Variants in NDRG4 observed in about 807,000 individuals in gnomAD.
NDRG4 encodes the protein protein NDRG4.
NDRG4 carries 38 observed loss-of-function variants against 55.8 expected under a neutral mutation model. The ratio of observed to expected loss-of-function variants is 0.68; its 90% CI spans 0.53 to 0.89. NDRG4 has a LOEUF of 0.89. Among genes scored for constraint, NDRG4 ranks in the 40% least tolerant of loss-of-function variants. The pLI, the probability that NDRG4 is intolerant of heterozygous loss-of-function variation, is 0.00. For synonymous variants in NDRG4, 190 were observed against 182.7 expected (o/e 1.04, Z -0.32); for missense variants, 455 against 468.6 (o/e 0.97, Z 0.27).
chr16:58,500,686 AG>A, intron 1 of NDRG4: 1 of 433,688 alleles, frequency 2.3e-6, no homozygotes, highest in Non-Finnish European at 4.1e-6. Context: ...CCATCAGGCC[AG>A]GGGGCGGGGG....
intron 1 of NDRG4, chr16:58,500,959 A>AG: frequency 8.1e-7 from 1 of 1,227,448 alleles, no homozygotes; most frequent in Non-Finnish European, 1.0e-6. Flanking sequence ...AGGAACGAGG[A>AG]GGGGTTGCCT....
chr16:58,514,309 CTAATTT>C (rs916618357), downstream of NDRG4, among the ~76,000 whole-genome samples: 2 of 152,152 alleles, frequency 1.3e-5, no homozygotes, highest in Non-Finnish European at 2.9e-5. Context: ...CTAAATAAAA[CTAATTT>C]TAATTATTTA....
At chr16:58,490,820 T>C (rs1238281857) in intron 2 of NDRG4, among the ~76,000 whole-genome samples, 4 of 151,514 alleles carry the variant, frequency 2.6e-5, no homozygotes, top group Admixed American at 1.3e-4. Flanking sequence ...CTACTAAAAT[T>C]ATAAAAATTA....
At chr16:58,507,145 A>G (rs1223874831) in intron 8 of NDRG4, 130 bp downstream of exon 8, 5 of 706,892 alleles carry the variant, frequency 7.1e-6, no homozygotes, top group Non-Finnish European at 9.9e-6. Flanking sequence ...TTGGGCCTCA[A>G]AGGAGGTCAT....
intron 2 of NDRG4, among the ~76,000 whole-genome samples, chr16:58,491,324 G>T (rs1364978747): frequency 2.6e-5 from 4 of 152,088 alleles, no homozygotes; most frequent in African/African-American, 7.2e-5. Flanking sequence ...CCTGGATGCT[G>T]CAGCGTGGCA....
At position 58,506,618 on chromosome 16, in the gene NDRG4, A is replaced by G. The variant is rs146273834; in HGVS notation, c.516+4A>G. The G allele has an allele frequency of 5.4e-3, 8,319 of 1,551,814 alleles. 26 individuals are homozygous for G. The highest frequency in any genetic ancestry group is 6.4e-3 in the Non-Finnish European group (7,387 of 1,150,038). The stretch of plus-strand genomic sequence containing the variant: ...GCTCTCCCACCTCTTCAGCCAGGTA[A>G]GGGGGGGAACTTCTGCAGATCTGGG... On this transcript the variant is annotated splice_donor_region_variant and intron_variant, in intron 7 of 14. Coordinates refer to ENST00000570248, the MANE Select transcript of NDRG4 (RefSeq NM_001242835.2).
At chr16:58,492,489 CGTGTGT>C (rs58901035) in intron 2 of NDRG4, among the ~76,000 whole-genome samples, 6,522 of 123,848 alleles carry the variant, frequency 0.053, 209 homozygotes, top group Admixed American at 0.074. Context: ...TCTGCTCCAC[CGTGTGT>C]GTGTGTGTGT....
At chr16:58,485,697 A>T (rs944514380) in intron 1 of NDRG4, among the ~76,000 whole-genome samples, 50 of 152,230 alleles carry the variant, frequency 3.3e-4, no homozygotes, top group African/African-American at 1.2e-3. Context: ...AATACAGCCC[A>T]TCTGCATTGT....
Position 58,506,374 on chromosome 16 carries a change from C to T in NDRG4, c.373-13C>T. 1 of 1,613,652 alleles carries T rather than the reference C, an allele frequency of 6.2e-7. No homozygotes were observed. Among genetic ancestry groups the T allele is most frequent in the Non-Finnish European group, 8.5e-7 (1 of 1,179,806 alleles). ...CCTGGCCCCGCCCGGCCCTGTTTCC[C>T]CTCTTACTGCAGCTCATCTTCCCCG... On this transcript the variant is annotated splice_polypyrimidine_tract_variant and intron_variant, in intron 5 of 14. Coordinates refer to ENST00000570248, the MANE Select transcript of NDRG4 (RefSeq NM_001242835.2).
chr16:58,513,782 A>AC (rs1323631826), downstream of NDRG4, among the ~76,000 whole-genome samples: 1 of 151,854 alleles, frequency 6.6e-6, no homozygotes, highest in African/African-American at 2.4e-5. Flanking sequence ...ACATGGTGAA[A>AC]CCCCGTCTCT....
At chr16:58,515,184 G>T (rs1219913168), downstream of NDRG4, among the ~76,000 whole-genome samples, 1 of 152,166 alleles carries the variant, frequency 6.6e-6, no homozygotes, top group East Asian at 1.9e-4. Context: ...CTCACCACCG[G>T]CCGGCCACCA....
At chr16:58,497,246 C>T (rs998634246), upstream of NDRG4, among the ~76,000 whole-genome samples, 2 of 152,000 alleles carry the variant, frequency 1.3e-5, no homozygotes, top group Admixed American at 6.6e-5. Flanking sequence ...GGCTTGAACC[C>T]GGGAGGCGGA....
intron 1 of NDRG4, among the ~76,000 whole-genome samples, chr16:58,483,531 TG>T (rs1481070000): frequency 4.6e-5 from 7 of 152,206 alleles, no homozygotes; most frequent in Admixed American, 1.3e-4. Context: ...GCCTCTTACA[TG>T]TCTCTGTCCC....
At chr16:58,481,200 T>C (rs1331873216) in intron 1 of NDRG4, among the ~76,000 whole-genome samples, 1 of 152,062 alleles carries the variant, frequency 6.6e-6, no homozygotes, top group African/African-American at 2.4e-5. Flanking sequence ...CATGAGGAGT[T>C]AGGAGGACTA....
chr16:58,468,274 C>G (rs533177497), intron 1 of NDRG4, among the ~76,000 whole-genome samples: 1 of 152,178 alleles, frequency 6.6e-6, no homozygotes, highest in Non-Finnish European at 1.5e-5. Flanking sequence ...GGCGCCTCAG[C>G]GGGGTCTTGC....
intron 5 of NDRG4, chr16:58,506,156 G>T (rs1353378224): frequency 2.3e-6 from 1 of 441,870 alleles, no homozygotes; most frequent in African/African-American, 2.5e-5. Context: ...GTGTGTGTGT[G>T]TCTGTGTGTG....
chr16:58,498,179 T>G (rs1251780794), upstream of NDRG4, among the ~76,000 whole-genome samples: 1 of 151,806 alleles, frequency 6.6e-6, no homozygotes, highest in Non-Finnish European at 1.5e-5. Flanking sequence ...TTGGGGGACA[T>G]GGGAGGGCAT....
intron 2 of NDRG4, 77 bp from the exon 3 acceptor site, chr16:58,504,077 C>A: frequency 6.2e-7 from 1 of 1,601,814 alleles, no homozygotes; most frequent in Non-Finnish European, 8.5e-7. Context: ...TCTGCCTTGC[C>A]TGCCCTCTGG....
In NDRG4 at chr16:58,478,312, G is replaced by A. The variant is rs184247974; in HGVS notation, c.-23-9444G>A. ...GCTGAGGCAGGAGAATCACTTGAAC[G>A]TGGGAGGCAGAGGTTGCAGTGAGCC... On this transcript the variant is annotated intron_variant, in intron 1 of 15. Coordinates refer to the NDRG4 transcript ENST00000258187. Among the ~76,000 whole-genome samples, 383 of 151,788 alleles carry A rather than the reference G, an allele frequency of 2.5e-3. 2 individuals are homozygous for A. The highest frequency in any genetic ancestry group is 8.2e-3 in the African/African-American group (340 of 41,388).
Sources: gnomAD v4.1 joint callset for allele counts (sites outside exome capture counted in the v4.1 genomes callset) on GRCh38, gnomAD v4.1.1 for gene constraint, MANE v1.5 for transcripts, NCBI Gene and HGNC (gene_info 2026-07-23, HGNC 2026-07-21) for gene names.